TTC7A: variants seen among roughly 807,000 people sequenced by gnomAD.
TTC7A encodes tetratricopeptide repeat domain 7A, also known as tetratricopeptide repeat protein 7A.
A neutral mutation model predicts 103.7 loss-of-function variants in TTC7A; 110 were observed. The observed-to-expected ratio is 1.06, with a 90% CI of 0.91 to 1.24. TTC7A has a LOEUF of 1.24. TTC7A is among the 50% of genes most tolerant of loss of function. TTC7A has a pLI of 0.00. For missense variants in TTC7A, 1,340 were observed against 1,116.3 expected, an observed-to-expected ratio of 1.20 and a Z score of -2.86; for synonymous variants, 521 against 467.9, an observed-to-expected ratio of 1.11 and a Z score of -1.47.
At chr2:46,983,933 G>C (rs548154800) in intron 5 of TTC7A, among the ~76,000 whole-genome samples, 1 of 152,286 alleles carries the variant, frequency 6.6e-6, no homozygotes, top group African/African-American at 2.4e-5. Context: ...TGGATTTCGT[G>C]GGGAGGGGAC....
chr2:47,030,540 G>A (rs1680418353), intron 15 of TTC7A, among the ~76,000 whole-genome samples: 1 of 152,196 alleles, frequency 6.6e-6, no homozygotes, highest in South Asian at 2.1e-4. Context: ...GGTGCTTTGG[G>A]AGTGGCAGTG....
At chr2:47,000,308 G>A (rs1272510180) in intron 8 of TTC7A, among the ~76,000 whole-genome samples, 9 of 151,800 alleles carry the variant, frequency 5.9e-5, no homozygotes, top group Admixed American at 5.9e-4. Flanking sequence ...GGATTCAGCA[G>A]ATGAGCACAG....
chr2:46,953,081 G>A (rs1050535350), intron 2 of TTC7A, among the ~76,000 whole-genome samples: 5 of 152,184 alleles, frequency 3.3e-5, no homozygotes, highest in African/African-American at 9.7e-5. Flanking sequence ...CCAATAATGT[G>A]CAGAAATTTA....
intron 16 of TTC7A, among the ~76,000 whole-genome samples, chr2:47,048,529 G>T (rs1448247459): frequency 1.3e-5 from 2 of 152,216 alleles, no homozygotes; most frequent in African/African-American, 2.4e-5. Context: ...AGGTCAAGTA[G>T]CATTGCCAAG....
upstream of TTC7A, among the ~76,000 whole-genome samples, chr2:46,937,769 A>G (rs1670053527): frequency 6.6e-6 from 1 of 152,216 alleles, no homozygotes; most frequent in South Asian, 2.1e-4. The surrounding 1 kb of genome is among the most constrained non-coding windows in gnomAD (Gnocchi z 4.0). Context: ...TGGATTGCAT[A>G]GGAAGCTGAA....
chr2:47,012,542 A>C (rs543773824), intron 11 of TTC7A, among the ~76,000 whole-genome samples: 1 of 152,218 alleles, frequency 6.6e-6, no homozygotes, highest in Non-Finnish European at 1.5e-5. Flanking sequence ...CTCTGGGTGC[A>C]TGCAGCAGGA....
chr2:47,012,992 G>A (rs983725537), intron 11 of TTC7A, among the ~76,000 whole-genome samples: 4 of 152,182 alleles, frequency 2.6e-5, no homozygotes, highest in Non-Finnish European at 5.9e-5. Flanking sequence ...GTGTAATGAG[G>A]TAGTTAAGAG....
intron 4 of TTC7A, chr2:46,978,372 C>T (rs1674081388): frequency 6.4e-6 from 1 of 155,440 alleles, no homozygotes. Context: ...ACAGTTCCTA[C>T]CTAATAGAGC....
chr2:47,021,970 G>A lies in TTC7A; in HGVS notation c.1501G>A (p.Ala501Thr). Reference sequence around the variant, plus strand: ...TCTGGGTCTCACCTATAGCCTGCAGGCCACCGACGGTGAGTGCCAGGCCCC... The same window carrying A: ...TCTGGGTCTCACCTATAGCCTGCAGACCACCGACGGTGAGTGCCAGGCCCC... ...LALGLTYSLQ[A>T]TDATLKSKQD... Residue 501 changes from alanine (A) to threonine (T), a missense_variant, in exon 12 of 20, where the codon GCC (alanine) becomes ACC (threonine). By Grantham distance (58) the Ala-to-Thr change is moderately conservative. Transcript: ENST00000319190. The A allele has an allele frequency of 6.2e-7, 1 of 1,610,538 alleles. No homozygotes were observed. Among genetic ancestry groups the A allele is most frequent in the Non-Finnish European group, 8.5e-7 (1 of 1,177,250 alleles).
chr2:47,042,953 C>T (rs922278045), intron 15 of TTC7A, among the ~76,000 whole-genome samples: 9 of 152,210 alleles, frequency 5.9e-5, no homozygotes, highest in African/African-American at 2.2e-4. Context: ...GCAGCCTCCC[C>T]CCAGCTTCCC....
At chr2:46,958,623 T>A in intron 3 of TTC7A, 1 of 1,118,928 alleles carries the variant, frequency 8.9e-7, no homozygotes, top group Non-Finnish European at 1.2e-6. Context: ...CCCCAGTGAC[T>A]GCACATGGCC....
In TTC7A at chr2:46,951,579, C is replaced by G. The variant is rs1036080522; in HGVS notation, c.348+1053C>G. On this transcript the variant is annotated intron_variant, in intron 2 of 19. Transcript: ENST00000319190. ...TGTCTCTCTCTTTCTTTCTGTCTTT[C>G]TGTCTGTCTTTATTTTCTTCAGGGT... The G allele has an allele frequency of 3.1e-5, 14 of 447,130 alleles. 1 individual carries two copies. Among genetic ancestry groups the G allele is most frequent in the Non-Finnish European group, 5.8e-5 (13 of 224,176 alleles). 27.7% of individuals were successfully genotyped at this position (447,130 alleles called of 1,614,324 possible).
At chr2:47,061,296 A>C (rs113599859) in intron 19 of TTC7A, among the ~76,000 whole-genome samples, 67 of 152,278 alleles carry the variant, frequency 4.4e-4, no homozygotes, top group African/African-American at 1.6e-3. Flanking sequence ...AAAGGCTCTC[A>C]TTGTTAACCA....
chr2:47,059,146 A>G (rs1380501737), intron 18 of TTC7A, among the ~76,000 whole-genome samples: 3 of 146,640 alleles, frequency 2.0e-5, no homozygotes, highest in Non-Finnish European at 3.0e-5. Flanking sequence ...TCAGCCTCCC[A>G]AGTACCTGGG....
At chr2:47,053,424 AAC>A (rs1235023354) in intron 18 of TTC7A, among the ~76,000 whole-genome samples, 3 of 152,224 alleles carry the variant, frequency 2.0e-5, no homozygotes, top group Non-Finnish European at 2.9e-5. Context: ...AATGCAGCGT[AAC>A]ACAGTGATCA....
intron 15 of TTC7A, among the ~76,000 whole-genome samples, chr2:47,041,597 C>T (rs144488001): frequency 6.6e-6 from 1 of 152,106 alleles, no homozygotes; most frequent in African/African-American, 2.4e-5. Context: ...TACTAAAATA[C>T]AAAAAATTAG....
Position 47,006,683 on chromosome 2 carries a change from C to T in TTC7A, c.1246C>T (p.Leu416Phe). ...GAAGTTTGCGTTTGGAGAATTTCAC[C>T]TTTGGTACCAGGTGGCCCTCTCCAT... ...AMKFAFGEFH[L>F]WYQVALSMVA... The change falls in exon 10 of 20, where the codon CTT (leucine) becomes TTT (phenylalanine). Residue 416 changes from leucine to phenylalanine, a missense_variant. Leu to Phe is a conservative substitution (Grantham distance 22, BLOSUM62 0). Transcript: ENST00000319190. The T allele has an allele frequency of 6.2e-7, 1 of 1,614,204 alleles. No homozygotes were observed. Among genetic ancestry groups the T allele is most frequent in the Non-Finnish European group, 8.5e-7 (1 of 1,180,024 alleles).
chr2:47,043,637 G>A lies in TTC7A; in HGVS notation c.1803-2678G>A, dbSNP rs111419973. Reference sequence around the variant, plus strand: ...GTTCTTTGTGGAAGAAAATCCCTCTGGCAGCGCTCACCTGCCAGCCCAAGG... The same window carrying A: ...GTTCTTTGTGGAAGAAAATCCCTCTAGCAGCGCTCACCTGCCAGCCCAAGG... On this transcript the variant is annotated intron_variant, in intron 15 of 19. Coordinates refer to ENST00000319190, the MANE Select transcript of TTC7A (RefSeq NM_020458.4). 1.9e-3 allele frequency among the ~76,000 whole-genome samples: 295 copies of A among 152,292 alleles called. 1 individual carries two copies. Among genetic ancestry groups the A allele is most frequent in the Middle Eastern group, 3.4e-3 (1 of 294 alleles).
At position 47,019,724 on chromosome 2, in the gene TTC7A, T is replaced by A. The variant is rs568621373; in HGVS notation, c.1393-2138T>A. ...CCCTCTCTGCATGGGTTGCAGGAGC[T>A]GAAGCTGGCATTTGCTGAGCAGAAG... On this transcript the variant is annotated intron_variant, in intron 11 of 19. Transcript: ENST00000319190. 3.3e-5 allele frequency among the ~76,000 whole-genome samples: 5 copies of A among 149,604 alleles called. No homozygotes were observed. In the South Asian group the frequency reaches 1.1e-3, roughly 32 times the overall value.
Sources: allele counts gnomAD v4.1 joint callset (sites outside exome capture counted in the v4.1 genomes callset), GRCh38; gene constraint gnomAD v4.1.1; non-coding constraint Gnocchi (gnomAD v3.1); transcripts MANE v1.5; gene names NCBI Gene and HGNC (gene_info 2026-07-23, HGNC 2026-07-21).